PLCE1: variants seen among roughly 807,000 people sequenced by gnomAD.
PLCE1 encodes the protein 1-phosphatidylinositol 4,5-bisphosphate phosphodiesterase epsilon-1.
In PLCE1, 119 loss-of-function variants were observed where a neutral mutation model predicts 242.8. The ratio of observed to expected loss-of-function variants is 0.49; its 90% CI spans 0.42 to 0.57. The LOEUF (loss-of-function observed/expected upper bound fraction) is 0.57, where lower values mean the gene tolerates loss of function less well. PLCE1 is among the 20% of genes least tolerant of loss of function. The pLI is 0.00. For synonymous variants in PLCE1, 945 were observed against 1,017.4 expected, an observed-to-expected ratio of 0.93 and a Z score of 1.35; for missense variants, 2,441 against 2,788.8, an observed-to-expected ratio of 0.88 and a Z score of 2.81.
chr10:94,008,821 T>C (rs1482811802), intron 1 of PLCE1, among the ~76,000 whole-genome samples: 5 of 152,086 alleles, frequency 3.3e-5, no homozygotes, highest in Non-Finnish European at 7.4e-5. Flanking sequence ...AAATGCTCCT[T>C]CTTAGTGTTG....
Position 94,316,741 on chromosome 10 carries a change from A to G in PLCE1, c.6327A>G (p.Leu2109=). The G allele has an allele frequency of 6.2e-7, 1 of 1,613,376 alleles. No homozygotes were observed. Among genetic ancestry groups the G allele is most frequent in the Non-Finnish European group, 8.5e-7 (1 of 1,179,290 alleles). Residue 2109 remains leucine (L), a synonymous_variant, in exon 29 of 33, where the codon TTA becomes TTG. Transcript: ENST00000371380. ...AGGGATACATGGGCAGGATTGTCTTAAAAACCCAGCAGGAAGTAAGTGTGT... is the reference window on the plus strand; with the variant it reads ...AGGGATACATGGGCAGGATTGTCTTGAAAACCCAGCAGGAAGTAAGTGTGT... ...PEEGYMGRIV[L]KTQQENLEEK... is the part of the protein sequence containing the mutation.
rs541503670 is a variant in PLCE1 at position 94,259,391 on chromosome 10, C to G, written c.3814+241C>G. Among the ~76,000 whole-genome samples, 16 of 151,860 alleles carry G rather than the reference C, an allele frequency of 1.1e-4. 1 individual carries two copies. In the South Asian group the frequency reaches 3.3e-3, roughly 32 times the overall value. On this transcript the variant is annotated intron_variant, in intron 13 of 32. Coordinates refer to ENST00000371380, the MANE Select transcript of PLCE1 (RefSeq NM_016341.4). ...CTCCACCTCCCGGGTTCAATTGATT[C>G]TCCTGCCTCAGCCTCCTGAGTAGCT...
chr10:94,044,552 T>C (rs1472109441), intron 2 of PLCE1, among the ~76,000 whole-genome samples: 1 of 152,232 alleles, frequency 6.6e-6, no homozygotes, highest in East Asian at 1.9e-4. Flanking sequence ...GGCCGTTGCT[T>C]CACAGTCCTG....
intron 32 of PLCE1, among the ~76,000 whole-genome samples, 184 bp from the exon 33 acceptor site, chr10:94,327,784 T>C (rs1262155046): frequency 6.6e-6 from 1 of 152,180 alleles, no homozygotes; most frequent in African/African-American, 2.4e-5. Context: ...AAGGCAGAAA[T>C]AACCTAATGT....
chr10:94,306,289 A>T lies in PLCE1; in HGVS notation c.5623-138A>T. 6.8e-7 allele frequency: 1 copy of T among 1,481,366 alleles called. No homozygotes were observed. Among genetic ancestry groups the T allele is most frequent in the Non-Finnish European group, 9.4e-7 (1 of 1,066,406 alleles). The allele number at this position is 1,481,366 out of a possible 1,614,324, so 91.8% of individuals were successfully genotyped here. A position where few individuals can be genotyped will look rare whatever the true frequency, so the allele number is the denominator to read the frequency against. The stretch of plus-strand genomic sequence containing the variant: ...CCAGCCCTACAATCACTTACTTTTT[A>T]AACAGTTTTATTCATCATTCACTTT... On this transcript the variant is annotated intron_variant, in intron 25 of 32. Transcript: ENST00000371380. This position sits in a 1 kb window ranked among gnomAD's most constrained non-coding sequence, Gnocchi z 5.7.
intron 2 of PLCE1, chr10:94,107,706 T>G (rs929521057): frequency 2.1e-5 from 3 of 145,106 alleles, no homozygotes; most frequent in African/African-American, 7.3e-5. Flanking sequence ...TCTTTAGACA[T>G]TCACATTGAG....
chr10:94,158,846 TTCTTTTTC>T (rs1416966913), intron 3 of PLCE1, among the ~76,000 whole-genome samples: 92 of 136,234 alleles, frequency 6.8e-4, no homozygotes, highest in African/African-American at 2.1e-3. Context: ...AATTTTCTTC[TTCTTTTTC>T]TTTTTTTTTT....
chr10:94,079,880 T>C (rs1429246897), intron 2 of PLCE1, among the ~76,000 whole-genome samples: 2 of 152,214 alleles, frequency 1.3e-5, no homozygotes, highest in African/African-American at 4.8e-5. Context: ...TTCCTATTCC[T>C]TCCTTGGAGG....
intron 2 of PLCE1, among the ~76,000 whole-genome samples, chr10:94,092,373 C>T (rs539507637): frequency 6.6e-6 from 1 of 152,170 alleles, no homozygotes; most frequent in Admixed American, 6.5e-5. Context: ...GTGTGAAATC[C>T]TTTATGTTCC....
In PLCE1 at chr10:94,315,289, C is replaced by T. The variant is rs1437271661; in HGVS notation, c.6133-1258C>T. 16 of 398,282 alleles carry T rather than the reference C, an allele frequency of 4.0e-5. No individual in the cohort carries two copies. In the East Asian group the frequency reaches 9.4e-4, roughly 23 times the overall value. 24.7% of individuals were successfully genotyped at this position (398,282 alleles called of 1,614,324 possible). On this transcript the variant is annotated intron_variant, in intron 28 of 32. Coordinates refer to ENST00000371380, the MANE Select transcript of PLCE1 (RefSeq NM_016341.4). Reference sequence around the variant, plus strand: ...GCTTTTCCTCCTGGTGAGATGTGTTCGCTCTGGGCTTTGCCTTATTGGCAG... The same window carrying T: ...GCTTTTCCTCCTGGTGAGATGTGTTTGCTCTGGGCTTTGCCTTATTGGCAG...
chr10:94,128,446 T>C (rs1269134456), intron 2 of PLCE1, among the ~76,000 whole-genome samples: 3 of 152,188 alleles, frequency 2.0e-5, no homozygotes, highest in Non-Finnish European at 2.9e-5. Context: ...TTTGATCTCT[T>C]TCTGGTTCTT....
intron 7 of PLCE1, among the ~76,000 whole-genome samples, chr10:94,245,052 A>G (rs1282565288): frequency 6.6e-6 from 1 of 152,206 alleles, no homozygotes; most frequent in Admixed American, 6.5e-5. Flanking sequence ...TAACCTAAAA[A>G]GGTTAAAAAA....
chr10:94,255,455 T>G (rs1564833909), intron 11 of PLCE1, among the ~76,000 whole-genome samples: 1 of 152,202 alleles, frequency 6.6e-6, no homozygotes, highest in Non-Finnish European at 1.5e-5. Flanking sequence ...CCAAAGAGTG[T>G]AGATAGAGAA....
chr10:94,079,106 C>T (rs1254375671), intron 2 of PLCE1, among the ~76,000 whole-genome samples: 1 of 151,832 alleles, frequency 6.6e-6, no homozygotes, highest in South Asian at 2.1e-4. Flanking sequence ...AATTGGTAGC[C>T]GTTACAAAAT....
intron 2 of PLCE1, among the ~76,000 whole-genome samples, chr10:94,086,222 T>C (rs967256976): frequency 1.3e-5 from 2 of 152,164 alleles, no homozygotes; most frequent in Non-Finnish European, 2.9e-5. Flanking sequence ...CTCAAAACAT[T>C]TTTGGAGCTG....
chr10:94,008,412 T>G (rs1410517573), intron 1 of PLCE1, among the ~76,000 whole-genome samples: 1 of 152,046 alleles, frequency 6.6e-6, no homozygotes, highest in Non-Finnish European at 1.5e-5. Flanking sequence ...TGGTTCAAGC[T>G]ATTCTTCTGC....
chr10:94,022,181 T>G (rs1487201166), intron 1 of PLCE1, among the ~76,000 whole-genome samples: 1 of 151,984 alleles, frequency 6.6e-6, no homozygotes, highest in Non-Finnish European at 1.5e-5. Context: ...GGAGTAATAA[T>G]TGAATTTAAC....
At chr10:94,148,319 G>A (rs2047177299) in intron 3 of PLCE1, among the ~76,000 whole-genome samples, 1 of 152,158 alleles carries the variant, frequency 6.6e-6, no homozygotes, top group Non-Finnish European at 1.5e-5. Flanking sequence ...CAGGAGCAGG[G>A]AACATACAGG....
intron 3 of PLCE1, among the ~76,000 whole-genome samples, chr10:94,155,208 A>G (rs2047392889): frequency 6.6e-6 from 1 of 152,202 alleles, no homozygotes; most frequent in African/African-American, 2.4e-5. Context: ...ATTAGTCATA[A>G]CAGCCAAAAA....
Sources: gnomAD v4.1 joint callset for allele counts (sites outside exome capture counted in the v4.1 genomes callset) on GRCh38, gnomAD v4.1.1 for gene constraint, Gnocchi (gnomAD v3.1) non-coding constraint, MANE v1.5 for transcripts, NCBI Gene and HGNC (gene_info 2026-07-23, HGNC 2026-07-21) for gene names.